COL6A3: variants seen among roughly 807,000 people sequenced by gnomAD.
The protein encoded by COL6A3 is collagen alpha-3(VI) chain.
In COL6A3, 137 loss-of-function variants were observed where a neutral mutation model predicts 274.1. That is an observed-to-expected ratio of 0.50 (90% CI 0.44 to 0.58). COL6A3 has a LOEUF of 0.58. COL6A3 is among the 20% of genes least tolerant of loss of function. The pLI, the probability that COL6A3 is intolerant of heterozygous loss-of-function variation, is 0.00. For synonymous variants in COL6A3, 1,650 were observed against 1,650.6 expected, an observed-to-expected ratio of 1.00 and a Z score of 0.01; for missense variants, 3,950 against 4,124.9, an observed-to-expected ratio of 0.96 and a Z score of 1.16.
At chr2:237,400,736 G>A (rs2078568482) in intron 1 of COL6A3, among the ~76,000 whole-genome samples, 1 of 151,766 alleles carries the variant, frequency 6.6e-6, no homozygotes, top group Non-Finnish European at 1.5e-5. Context: ...AAAAATTAAA[G>A]ACAAAGGAAC....
At chr2:237,369,724 G>A (rs958616730) in intron 9 of COL6A3, among the ~76,000 whole-genome samples, 1 of 152,146 alleles carries the variant, frequency 6.6e-6, no homozygotes, top group Non-Finnish European at 1.5e-5. Context: ...ATATCCAAGG[G>A]GTCACATTAA....
Position 237,407,329 on chromosome 2 carries a change from C to G in COL6A3, c.-31+6624G>C, listed in dbSNP as rs2078745664. 6.6e-6 allele frequency among the ~76,000 whole-genome samples: 1 copy of G among 152,192 alleles called. No individual in the cohort carries two copies. Among genetic ancestry groups the G allele is most frequent in the South Asian group, 2.1e-4 (1 of 4,820 alleles). ...TTCTCATCAGGCAGGGTAACTAGACCTCCTTTGTCACCTACTGGGGTCCTT... is the reference window on the plus strand; with the variant it reads ...TTCTCATCAGGCAGGGTAACTAGACGTCCTTTGTCACCTACTGGGGTCCTT... On this transcript the variant is annotated intron_variant, in intron 1 of 43. Coordinates refer to ENST00000295550, the MANE Select transcript of COL6A3 (RefSeq NM_004369.4). This position sits in a 1 kb window ranked among gnomAD's most constrained non-coding sequence, Gnocchi z 4.3.
chr2:237,326,768 C>T (rs916133542), intron 42 of COL6A3: 5 of 152,194 alleles, frequency 3.3e-5, no homozygotes, highest in African/African-American at 4.8e-5. Context: ...CTCACAGCTG[C>T]GGAGGTGGTG....
Position 237,344,924 on chromosome 2 carries a change from C to T in COL6A3, c.7174+17G>A, listed in dbSNP as rs937099567. Reference sequence around the variant, plus strand: ...AGGCTTCCTTTCCTTAGGAGAAAGTCACCAAAATCAACTTACCGTAACAGC... The same window carrying T: ...AGGCTTCCTTTCCTTAGGAGAAAGTTACCAAAATCAACTTACCGTAACAGC... On this transcript the variant is annotated intron_variant, in intron 35 of 43. Transcript: ENST00000295550. The surrounding 1 kb of genome is among the most constrained non-coding windows in gnomAD (Gnocchi z 4.8). The T allele has an allele frequency of 1.2e-5, 19 of 1,613,984 alleles. No individual in the cohort carries two copies. Among genetic ancestry groups the T allele is most frequent in the Middle Eastern group, 1.6e-4 (1 of 6,062 alleles).
In COL6A3 at chr2:237,371,489, T is replaced by C. The variant is rs1045051896; in HGVS notation, c.4285+243A>G. 6 of 718,462 alleles carry C rather than the reference T, an allele frequency of 8.4e-6. No homozygotes were observed. The highest frequency in any genetic ancestry group is 1.8e-5 in the African/African-American group (1 of 55,954). 44.5% of individuals were successfully genotyped at this position (718,462 alleles called of 1,614,324 possible). A position where few individuals can be genotyped will look rare whatever the true frequency, so the allele number is the denominator to read the frequency against. ...GGTATGAACCTGTAGTCCTAGCTAC[T>C]GAGGAGGCTGAAGTGGGAGGTTGGC... On this transcript the variant is annotated intron_variant, in intron 9 of 43. Coordinates refer to ENST00000295550, the MANE Select transcript of COL6A3 (RefSeq NM_004369.4). The surrounding 1 kb of genome is among the most constrained non-coding windows in gnomAD (Gnocchi z 4.3).
chr2:237,379,370 G>T, intron 5 of COL6A3, 135 bp from the exon 6 acceptor site: 2 of 1,089,678 alleles, frequency 1.8e-6, no homozygotes, highest in Non-Finnish European at 2.8e-6. Context: ...TGTCCATCTT[G>T]TAAAATATGG....
chr2:237,362,492 T>G (rs542701818), intron 14 of COL6A3, among the ~76,000 whole-genome samples: 2 of 152,358 alleles, frequency 1.3e-5, no homozygotes, highest in East Asian at 3.9e-4. Flanking sequence ...TGCACTTTCT[T>G]CCAACGAGCT....
At chr2:237,347,443 C>A (rs1263518779) in intron 31 of COL6A3, among the ~76,000 whole-genome samples, 1 of 152,242 alleles carries the variant, frequency 6.6e-6, no homozygotes, top group Non-Finnish European at 1.5e-5. Context: ...AGTTGCCATG[C>A]CTCATTCACT....
intron 4 of COL6A3, among the ~76,000 whole-genome samples, chr2:237,385,016 TC>T (rs1465845744): frequency 7.9e-5 from 12 of 151,862 alleles, no homozygotes; most frequent in Non-Finnish European, 2.9e-5. Context: ...GGACCACTCT[TC>T]CCCCTGCTCT....
intron 41 of COL6A3, among the ~76,000 whole-genome samples, chr2:237,334,080 A>G (rs1559190652): frequency 6.6e-6 from 1 of 152,236 alleles, no homozygotes; most frequent in East Asian, 1.9e-4. Context: ...ACTCAAGTGC[A>G]GGCCTCAGTG....
chr2:237,348,632 T>C lies in COL6A3; in HGVS notation c.6911A>G (p.Glu2304Gly). ...GDDGRDGVGSEGRRGKKGERG... is the reference protein window; with the variant it reads ...GDDGRDGVGSGGRRGKKGERG... ...ACGTACTTTTTTGCCTCTGCGTCCT[T>C]CACTGCCAACTCCGTCTCTCCCGTC... The change falls in exon 29 of 44, where the codon GAA becomes GGA. Residue 2304 changes from glutamate (E) to glycine (G), a missense_variant. By Grantham distance (98) the Glu-to-Gly change is moderately conservative. This residue lies in a region of COL6A3 where 1,284 missense variants were observed against 1,349.7 expected (regional missense o/e 0.95). Transcript: ENST00000295550. 1 of 1,614,206 alleles carries C rather than the reference T, an allele frequency of 6.2e-7. No individual in the cohort carries two copies. Among genetic ancestry groups the C allele is most frequent in the East Asian group, 2.2e-5 (1 of 44,880 alleles).
intron 4 of COL6A3, among the ~76,000 whole-genome samples, chr2:237,386,043 G>C (rs561498007): frequency 2.6e-5 from 4 of 152,180 alleles, no homozygotes; most frequent in South Asian, 2.1e-4. Context: ...ACATCACCTG[G>C]TCACAGTTCC....
chr2:237,340,999 C>G lies in COL6A3; in HGVS notation c.7917G>C (p.Lys2639Asn). ...TTTLFQFNEM[K>N]KYIAYLVRQL... ...GTCTGACCAGGTACGCTATGTACTT[C>G]TTCATCTCATTGAACTGGAACAGGG... Residue 2639 changes from lysine to asparagine, a missense_variant, in exon 38 of 44, where the codon AAG (lysine) becomes AAC (asparagine). By Grantham distance (94) the Lys-to-Asn change is moderately conservative. Coordinates refer to ENST00000295550, the MANE Select transcript of COL6A3 (RefSeq NM_004369.4). 6.2e-7 allele frequency: 1 copy of G among 1,614,182 alleles called. No homozygotes were observed. Among genetic ancestry groups the G allele is most frequent in the South Asian group, 1.1e-5 (1 of 91,080 alleles).
At chr2:237,377,971 G>A (rs1262111145) in intron 6 of COL6A3, among the ~76,000 whole-genome samples, 3 of 152,226 alleles carry the variant, frequency 2.0e-5, no homozygotes, top group African/African-American at 4.8e-5. Context: ...GCACCGCAAT[G>A]TGTAATGTAA....
In COL6A3 at chr2:237,325,564, A is replaced by T. The variant is rs367728719; in HGVS notation, c.9489T>A (p.Ala3163=). 6.9e-5 allele frequency: 112 copies of T among 1,614,036 alleles called. No homozygotes were observed. The highest frequency in any genetic ancestry group is 9.3e-5 in the Non-Finnish European group (110 of 1,180,034). ...ACACAAGGAAGAATCACTTACCAGG[A>T]GCGCAAACCTTTTCACATTCTTTCT... ...GSQKECEKVC[A]PVLAKPGVIS... is the part of the protein sequence containing the mutation. The change falls in exon 43 of 44, where the codon GCT becomes GCA. Residue 3163 remains alanine (A), a synonymous_variant. Coordinates refer to ENST00000295550, the MANE Select transcript of COL6A3 (RefSeq NM_004369.4).
In COL6A3 at chr2:237,377,246, G is replaced by A. The variant is rs756764528; in HGVS notation, c.2596C>T (p.Leu866Phe). Reference protein sequence around the residue: ...RDFLYKIIDELNVKPEGTRIA... With the variant: ...RDFLYKIIDEFNVKPEGTRIA... ...CGGGTCCCCTCTGGCTTCACATTGA[G>A]CTCATCGATAATCTTGTAGAGAAAG... Residue 866 changes from leucine (L) to phenylalanine (F), a missense_variant, in exon 7 of 44, where the codon CTC (leucine) becomes TTC (phenylalanine). Physicochemically the swap from Leu to Phe is conservative, Grantham distance 22 (BLOSUM62 0). Coordinates refer to ENST00000295550, the MANE Select transcript of COL6A3 (RefSeq NM_004369.4). The A allele has an allele frequency of 1.9e-6, 3 of 1,611,546 alleles. No homozygotes were observed. Among genetic ancestry groups the A allele is most frequent in the Non-Finnish European group, 1.7e-6 (2 of 1,180,018 alleles).
In COL6A3 at chr2:237,324,688, A is replaced by G. The variant is rs370590562; in HGVS notation, c.*86T>C. 23 of 1,241,966 alleles carry G rather than the reference A, an allele frequency of 1.9e-5. No individual in the cohort carries two copies. In the East Asian group the frequency reaches 3.0e-4, roughly 16 times the overall value. 76.9% of individuals were successfully genotyped at this position (1,241,966 alleles called of 1,614,324 possible). ...GCATGAAATGATACAGTGCAAGGGA[A>G]TCTACACCCGGAGCTTCTACAGAGA... On this transcript the variant is annotated 3_prime_UTR_variant, in exon 44 of 44. Transcript: ENST00000295550.
chr2:237,409,745 G>T (rs1298673398), intron 1 of COL6A3, among the ~76,000 whole-genome samples: 1 of 152,192 alleles, frequency 6.6e-6, no homozygotes, highest in Non-Finnish European at 1.5e-5. Flanking sequence ...TTAGGGGAAA[G>T]TATCAAAGGA....
At chr2:237,393,948 T>C (rs558518435) in intron 3 of COL6A3, among the ~76,000 whole-genome samples, 2 of 152,298 alleles carry the variant, frequency 1.3e-5, no homozygotes, top group East Asian at 3.9e-4. Context: ...ACAGCCATGA[T>C]TACCGCATGG....
Sources: allele counts gnomAD v4.1 joint callset (sites outside exome capture counted in the v4.1 genomes callset), GRCh38; gene constraint gnomAD v4.1.1; regional missense constraint gnomAD v4.1.1; non-coding constraint Gnocchi (gnomAD v3.1); transcripts MANE v1.5; gene names NCBI Gene and HGNC (gene_info 2026-07-23, HGNC 2026-07-21).